The following DPP6 variants were observed in gnomAD, a reference collection of about 807,000 sequenced individuals.
DPP6 encodes dipeptidyl peptidase like 6.
DPP6 carries 69 observed loss-of-function variants against 122.6 expected under a neutral mutation model. That is an observed-to-expected ratio of 0.56 (90% CI 0.46 to 0.69). DPP6 has a LOEUF of 0.69. Among genes scored for constraint, DPP6 ranks in the 30% least tolerant of loss-of-function variants. The probability of loss-of-function intolerance (pLI) is 0.00; values close to 1 mark genes in which losing one functional copy is unlikely to be tolerated. For missense variants in DPP6, 928 were observed against 1,116.9 expected (o/e 0.83, Z 2.41); for synonymous variants, 418 against 433.1 (o/e 0.97, Z 0.43).
chr7:153,971,897 T>A (rs1796037593), intron 1 of DPP6, among the ~76,000 whole-genome samples: 1 of 146,332 alleles, frequency 6.8e-6, no homozygotes, highest in Non-Finnish European at 1.5e-5. Flanking sequence ...CTTATCTCAA[T>A]CTCCTTTCTT....
the DPP6 span, among the ~76,000 whole-genome samples, chr7:153,793,934 C>A: frequency 6.6e-6 from 1 of 152,220 alleles, no homozygotes; most frequent in South Asian, 2.1e-4. Flanking sequence ...GTTGAGCCGG[C>A]AGGTGCACAA....
chr7:154,779,430 T>C (rs1341852367), intron 10 of DPP6, among the ~76,000 whole-genome samples: 4 of 152,076 alleles, frequency 2.6e-5, no homozygotes, highest in Non-Finnish European at 2.9e-5. Context: ...TTCCCTATCA[T>C]AAACAAGCTC....
intron 1 of DPP6, among the ~76,000 whole-genome samples, chr7:154,102,976 C>A (rs1805860504): frequency 6.6e-6 from 1 of 152,014 alleles, no homozygotes; most frequent in Admixed American, 6.5e-5. Context: ...GGGGTAATAC[C>A]CCCATTCTGA....
intron 1 of DPP6, chr7:154,058,622 A>G (rs551070078): frequency 2.4e-4 from 35 of 144,130 alleles, no homozygotes; most frequent in Non-Finnish European, 4.0e-4. Context: ...CCCCCAGCTT[A>G]GGACCCACAT....
At chr7:154,069,502 T>A (rs960939118) in intron 1 of DPP6, among the ~76,000 whole-genome samples, 2 of 151,422 alleles carry the variant, frequency 1.3e-5, no homozygotes, top group Admixed American at 6.6e-5. Context: ...TGGCCCATTA[T>A]TTATATTTTT....
the DPP6 span, among the ~76,000 whole-genome samples, chr7:153,836,851 C>G: frequency 6.6e-6 from 1 of 152,182 alleles, no homozygotes; most frequent in African/African-American, 2.4e-5. Context: ...TAGACTCACT[C>G]TGACTTCCAG....
chr7:154,856,092 A>G (rs1446861541), intron 17 of DPP6, among the ~76,000 whole-genome samples: 7 of 151,632 alleles, frequency 4.6e-5, no homozygotes, highest in South Asian at 2.1e-4. Context: ...CTAGGAATCT[A>G]TAATTATTTC....
At chr7:154,490,838 G>A (rs1420453573) in intron 3 of DPP6, among the ~76,000 whole-genome samples, 1 of 152,154 alleles carries the variant, frequency 6.6e-6, no homozygotes, top group African/African-American at 2.4e-5. Context: ...TCTCACCAGT[G>A]ATAACATAGT....
chr7:154,623,419 C>T lies in DPP6; in HGVS notation c.628-14402C>T, dbSNP rs376847233. 7.9e-5 allele frequency among the ~76,000 whole-genome samples: 12 copies of T among 152,254 alleles called. No individual in the cohort carries two copies. In the East Asian group the frequency reaches 2.1e-3, roughly 27 times the overall value. ...GTGGGAGGGGCGGTGCCTTTTGCTG[C>T]GTCGGGAACCTCTTGATCCCACCAG... On this transcript the variant is annotated intron_variant, in intron 5 of 25. Coordinates refer to ENST00000377770, the MANE Select transcript of DPP6 (RefSeq NM_130797.4).
intron 1 of DPP6, among the ~76,000 whole-genome samples, chr7:154,010,929 T>A (rs1012608112): frequency 2.6e-5 from 4 of 152,180 alleles, no homozygotes; most frequent in Non-Finnish European, 5.9e-5. Flanking sequence ...CTGGCCCCCA[T>A]CCTGATCAAA....
intron 21 of DPP6, chr7:154,884,181 CACACGATTACATACACCTCCCACAT>C (rs1038134325): frequency 2.9e-5 from 4 of 138,792 alleles, no homozygotes; most frequent in Non-Finnish European, 4.7e-5. Context: ...CACATGCTCA[CACACGATTACATACACCTCCCACAT>C]ACACGATTAC....
chr7:154,712,843 A>G (rs949415299), intron 7 of DPP6, among the ~76,000 whole-genome samples: 1 of 152,158 alleles, frequency 6.6e-6, no homozygotes, highest in African/African-American at 2.4e-5. Context: ...GCCCCTCCCA[A>G]ATCTCATGTC....
At chr7:154,652,879 A>T (rs1015883941) in intron 6 of DPP6, among the ~76,000 whole-genome samples, 2 of 152,170 alleles carry the variant, frequency 1.3e-5, no homozygotes, top group South Asian at 4.1e-4. Context: ...TTCAGAAAGT[A>T]AAAAACATGG....
intron 4 of DPP6, among the ~76,000 whole-genome samples, chr7:154,547,059 G>A (rs1829254051): frequency 6.6e-6 from 1 of 152,218 alleles, no homozygotes; most frequent in African/African-American, 2.4e-5. Context: ...TGTTGAATGG[G>A]AAGCACAGGA....
intron 2 of DPP6, among the ~76,000 whole-genome samples, chr7:154,447,601 A>G (rs1216613966): frequency 1.3e-5 from 2 of 152,216 alleles, no homozygotes; most frequent in African/African-American, 4.8e-5. Flanking sequence ...GTACCCTGAT[A>G]CCAAACTAGA....
intron 1 of DPP6, among the ~76,000 whole-genome samples, chr7:154,074,878 G>A (rs947331516): frequency 2.6e-5 from 4 of 151,148 alleles, no homozygotes; most frequent in African/African-American, 9.7e-5. Context: ...TTGTCAAAGC[G>A]GGAGAAAATA....
intron 7 of DPP6, among the ~76,000 whole-genome samples, chr7:154,678,762 G>A (rs1173589468): frequency 6.6e-6 from 1 of 152,212 alleles, no homozygotes; most frequent in Non-Finnish European, 1.5e-5. Flanking sequence ...AGTCAAAAGG[G>A]CCAGATTCAG....
chr7:154,717,093 A>G (rs1419139589), intron 7 of DPP6, among the ~76,000 whole-genome samples: 1 of 152,138 alleles, frequency 6.6e-6, no homozygotes, highest in Non-Finnish European at 1.5e-5. Context: ...AGCCTCCCAA[A>G]GTGCTGGGAT....
chr7:154,667,848 A>G (rs1222348218), intron 6 of DPP6, among the ~76,000 whole-genome samples: 1 of 151,988 alleles, frequency 6.6e-6, no homozygotes, highest in African/African-American at 2.4e-5. Context: ...CTAAGCGGCA[A>G]TGTCTTCTCT....
Sources: gnomAD v4.1 joint callset for allele counts (sites outside exome capture counted in the v4.1 genomes callset) on GRCh38, gnomAD v4.1.1 for gene constraint, MANE v1.5 for transcripts, NCBI Gene and HGNC (gene_info 2026-07-23, HGNC 2026-07-21) for gene names.